ELOVL5: variants seen among roughly 807,000 people sequenced by gnomAD.
The protein encoded by ELOVL5 is very long chain fatty acid elongase 5.
Under a neutral mutation model 38.6 loss-of-function variants are expected in ELOVL5, and 8 were observed. The observed-to-expected ratio is 0.21, with a 90% CI of 0.12 to 0.37. The LOEUF (loss-of-function observed/expected upper bound fraction) is 0.37. Among genes scored for constraint, ELOVL5 ranks in the 10% least tolerant of loss-of-function variants. The pLI is 1.00. For missense variants in ELOVL5, 280 were observed against 367.8 expected (o/e 0.76, Z 1.95); for synonymous variants, 127 against 133.7 (o/e 0.95, Z 0.34).
chr6:53,348,766 C>T, intron 1 of ELOVL5, 51 bp downstream of exon 1: 1 of 453,000 alleles, frequency 2.2e-6, no homozygotes, highest in South Asian at 1.6e-5. Flanking sequence ...GCGCGGGTGT[C>T]ATGGCCGAGC....
At chr6:53,348,483 C>A (rs1582012569) in intron 1 of ELOVL5, among the ~76,000 whole-genome samples, 1 of 152,076 alleles carries the variant, frequency 6.6e-6, no homozygotes, top group Admixed American at 6.5e-5. Context: ...GGTGTGGGCA[C>A]GGTGTCGTGC....
At chr6:53,326,112 A>G (rs1374343196) in intron 1 of ELOVL5, among the ~76,000 whole-genome samples, 4 of 152,224 alleles carry the variant, frequency 2.6e-5, no homozygotes. Flanking sequence ...CACAGTAGAC[A>G]GAAAGGGTAG....
chr6:53,292,491 A>G (rs1219411147), intron 2 of ELOVL5, among the ~76,000 whole-genome samples: 1 of 152,212 alleles, frequency 6.6e-6, no homozygotes, highest in Non-Finnish European at 1.5e-5. Flanking sequence ...GAGGACAATG[A>G]TTTAAAAACA....
intron 1 of ELOVL5, among the ~76,000 whole-genome samples, chr6:53,310,943 G>GA (rs1414545698): frequency 2.0e-5 from 3 of 152,114 alleles, no homozygotes; most frequent in Non-Finnish European, 4.4e-5. Flanking sequence ...TACTAGCATG[G>GA]AAATTTTTCA....
chr6:53,274,988 T>C, intron 5 of ELOVL5, 102 bp downstream of exon 5: 1 of 1,151,434 alleles, frequency 8.7e-7, no homozygotes, highest in Non-Finnish European at 1.2e-6. Context: ...GCTGAAAGCC[T>C]GACCTAGACA....
intron 1 of ELOVL5, among the ~76,000 whole-genome samples, chr6:53,296,385 C>T (rs1767004349): frequency 6.6e-6 from 1 of 151,926 alleles, no homozygotes; most frequent in Admixed American, 6.6e-5. Context: ...GTGAAATCTA[C>T]CATTAGTAGA....
At chr6:53,298,080 C>T (rs1031422565) in intron 1 of ELOVL5, among the ~76,000 whole-genome samples, 2 of 152,308 alleles carry the variant, frequency 1.3e-5, no homozygotes, top group Admixed American at 1.3e-4. Flanking sequence ...TGAAAATCAT[C>T]TAGAAAATCC....
chr6:53,283,013 A>G (rs1182264062), intron 3 of ELOVL5, among the ~76,000 whole-genome samples: 1 of 152,250 alleles, frequency 6.6e-6, no homozygotes, highest in Non-Finnish European at 1.5e-5. Flanking sequence ...CAAAGCATTC[A>G]GTCACCAAAT....
At chr6:53,271,897 C>T (rs547323602) in intron 6 of ELOVL5, among the ~76,000 whole-genome samples, 2 of 152,272 alleles carry the variant, frequency 1.3e-5, no homozygotes, top group East Asian at 3.9e-4. Context: ...CCAACTTTGC[C>T]AGTCTGTTCT....
chr6:53,307,848 T>C (rs1436027695), intron 1 of ELOVL5, among the ~76,000 whole-genome samples: 1 of 152,096 alleles, frequency 6.6e-6, no homozygotes, highest in East Asian at 1.9e-4. Context: ...AACTAGCATA[T>C]GATAGATGGC....
In ELOVL5 at chr6:53,267,662, A is replaced by G. The variant is rs1765786277; in HGVS notation, c.*1465T>C. The G allele has an allele frequency of 6.5e-6, 1 of 152,678 alleles. No homozygotes were observed. Among genetic ancestry groups the G allele is most frequent in the Non-Finnish European group, 1.5e-5 (1 of 68,040 alleles). The allele number at this position is 152,678 out of a possible 1,614,324, so 9.5% of individuals were successfully genotyped here. A position where few individuals can be genotyped will look rare whatever the true frequency, so the allele number is the denominator to read the frequency against. ...AACCCACAAGACTAATAGAGAACCAATAGGCTCCCTATAGTACGAATGTGC... is the reference window on the plus strand; with the variant it reads ...AACCCACAAGACTAATAGAGAACCAGTAGGCTCCCTATAGTACGAATGTGC... On this transcript the variant is annotated 3_prime_UTR_variant, in exon 8 of 8. Coordinates refer to ENST00000304434, the MANE Select transcript of ELOVL5 (RefSeq NM_021814.5).
intron 3 of ELOVL5, among the ~76,000 whole-genome samples, chr6:53,282,273 G>A (rs1184308452): frequency 6.6e-6 from 1 of 152,218 alleles, no homozygotes; most frequent in Non-Finnish European, 1.5e-5. Context: ...ACCCACTGAC[G>A]CCTGCTTTGC....
chr6:53,329,802 G>T (rs557768413), intron 1 of ELOVL5, among the ~76,000 whole-genome samples: 2 of 152,106 alleles, frequency 1.3e-5, no homozygotes, highest in Non-Finnish European at 2.9e-5. Flanking sequence ...CAGCCTGGGG[G>T]ACAAGAGCAA....
intron 4 of ELOVL5, 126 bp downstream of exon 4, chr6:53,276,053 A>G (rs1766103361): frequency 3.1e-6 from 2 of 646,294 alleles, no homozygotes; most frequent in South Asian, 4.4e-5. Flanking sequence ...TGCCTTTTTT[A>G]TTCTTTTAAA....
intron 1 of ELOVL5, among the ~76,000 whole-genome samples, chr6:53,305,809 G>A (rs1217032426): frequency 6.6e-6 from 1 of 152,062 alleles, no homozygotes; most frequent in African/African-American, 2.4e-5. Context: ...GGTGGCGGCC[G>A]GGCAGAGGCT....
chr6:53,299,438 T>C (rs536861572), intron 1 of ELOVL5, among the ~76,000 whole-genome samples: 1 of 152,112 alleles, frequency 6.6e-6, no homozygotes, highest in Non-Finnish European at 1.5e-5. Context: ...AGGGTAACAG[T>C]AGTGGCCCCG....
At chr6:53,294,207 C>T (rs988249314) in intron 2 of ELOVL5, 14 of 1,478,344 alleles carry the variant, frequency 9.5e-6, no homozygotes, top group Middle Eastern at 1.8e-4. Context: ...GCACCTGACC[C>T]GAACTCCAGC....
intron 1 of ELOVL5, among the ~76,000 whole-genome samples, chr6:53,301,578 C>A (rs1292523918): frequency 6.6e-6 from 1 of 152,088 alleles, no homozygotes; most frequent in African/African-American, 2.4e-5. Flanking sequence ...ACCTAGGGGG[C>A]TTCCCAGAAT....
rs924973831 is a variant in ELOVL5 at position 53,268,163 on chromosome 6, C to A, written c.*964G>T. ...TCAAAACAGATAACAGTGCATAAATCAATCCAAATTTAGACCCTGGCAACC... is the reference window on the plus strand; with the variant it reads ...TCAAAACAGATAACAGTGCATAAATAAATCCAAATTTAGACCCTGGCAACC... On this transcript the variant is annotated 3_prime_UTR_variant, in exon 8 of 8. Transcript: ENST00000304434. 1 of 152,024 alleles carries A rather than the reference C, an allele frequency of 6.6e-6. No homozygotes were observed. The highest frequency in any genetic ancestry group is 2.4e-5 in the African/African-American group (1 of 41,378). The allele number at this position is 152,024 out of a possible 1,614,324, so 9.4% of individuals were successfully genotyped here.
Sources: allele counts gnomAD v4.1 joint callset (sites outside exome capture counted in the v4.1 genomes callset), GRCh38; gene constraint gnomAD v4.1.1; transcripts MANE v1.5; gene names NCBI Gene and HGNC (gene_info 2026-07-23, HGNC 2026-07-21).